DST: variants seen among roughly 807,000 people sequenced by gnomAD.
DST encodes bullous pemphigoid antigen.
A neutral mutation model predicts 875.2 loss-of-function variants in DST; 253 were observed. The ratio of observed to expected loss-of-function variants is 0.29; its 90% confidence interval spans 0.26 to 0.32. The LOEUF (loss-of-function observed/expected upper bound fraction) is 0.32. Ranked by LOEUF, DST falls within the 10% of genes least tolerant of loss-of-function variation. DST has a pLI of 1.00. For synonymous variants in DST, 3,124 were observed against 3,197.1 expected, an observed-to-expected ratio of 0.98 and a Z score of 0.77; for missense variants, 8,287 against 9,111.6, an observed-to-expected ratio of 0.91 and a Z score of 3.68.
intron 4 of DST, among the ~76,000 whole-genome samples, chr6:56,740,733 A>G (rs1200403445): frequency 1.3e-5 from 2 of 152,202 alleles, no homozygotes; most frequent in East Asian, 3.9e-4. Flanking sequence ...ATTGCAAACA[A>G]TGGAAGTTCT....
intron 59 of DST, among the ~76,000 whole-genome samples, chr6:56,556,656 C>A (rs924895779): frequency 6.6e-6 from 1 of 152,172 alleles, no homozygotes; most frequent in Non-Finnish European, 1.5e-5. Flanking sequence ...AAAGCCAGTA[C>A]TCAGACATTA....
At chr6:56,528,814 G>A (rs372974037) in intron 67 of DST, 27 bp downstream of exon 67, 1 of 1,396,638 alleles carries the variant, frequency 7.2e-7, no homozygotes, top group African/African-American at 1.4e-5. Context: ...CTGACCACAT[G>A]ATGATTTGAT....
At chr6:56,761,016 A>C (rs2099615938) in intron 4 of DST, among the ~76,000 whole-genome samples, 1 of 152,244 alleles carries the variant, frequency 6.6e-6, no homozygotes, top group Admixed American at 6.5e-5. Flanking sequence ...ACTGTGTTAG[A>C]GTTCTGAGAC....
intron 4 of DST, among the ~76,000 whole-genome samples, chr6:56,842,817 A>G (rs1562130623): frequency 6.6e-6 from 1 of 151,908 alleles, no homozygotes; most frequent in East Asian, 1.9e-4. Context: ...CTTGGAAACA[A>G]CCCCCTTCCC....
At position 56,594,189 on chromosome 6, in the gene DST, T is replaced by G; in HGVS notation, c.12200A>C (p.Gln4067Pro). 1 of 1,514,584 alleles carries G rather than the reference T, an allele frequency of 6.6e-7. No homozygotes were observed. The highest frequency in any genetic ancestry group is 8.8e-7 in the Non-Finnish European group (1 of 1,138,240). 93.8% of individuals were successfully genotyped at this position (1,514,584 alleles called of 1,614,324 possible). The change falls in exon 48 of 104, where the codon CAA becomes CCA. Residue 4067 changes from glutamine (Q) to proline (P), a missense_variant. Physicochemically the swap from Gln to Pro is moderately conservative, Grantham distance 76. This residue lies in a region of DST where 1,513 missense variants were observed against 1,677.8 expected (regional missense o/e 0.90). Transcript: ENST00000680361. ...GTGCTGAGAGATGATCTTCTCGTGT[T>G]GGGCCTATGTGAAAACAAATTGATC... is the stretch of plus-strand genomic sequence containing the variant. ...LNQQYQKVKA[Q>P]HEKIISQHQA... is the part of the protein sequence containing the mutation.
chr6:56,615,874 G>A (rs2098609600), intron 36 of DST: 4 of 1,614,136 alleles, frequency 2.5e-6, no homozygotes, highest in Non-Finnish European at 2.5e-6. Context: ...TTTTGTTAGT[G>A]ATGGGATGGC....
chr6:56,760,234 T>C (rs2099614105), intron 4 of DST, among the ~76,000 whole-genome samples: 2 of 152,300 alleles, frequency 1.3e-5, no homozygotes, highest in African/African-American at 2.4e-5. Context: ...TGCTAAGAAA[T>C]GCCACATGAT....
rs151271595 is a variant in DST, at chr6:56,640,283, G to C, written c.2350C>G (p.Pro784Ala). Reference sequence around the variant, plus strand: ...AACTTCAAAGTTTGCAATGAATTTGGCTCTACTCCTGAACTGAAATTTGGA... The same window carrying C: ...AACTTCAAAGTTTGCAATGAATTTGCCTCTACTCCTGAACTGAAATTTGGA... ...LVPNFSSGVE[P>A]NSLQTLKLMQ... Residue 784 changes from proline to alanine, a missense_variant, in exon 18 of 104, where the codon CCA (proline) becomes GCA (alanine). Around this residue, in one of 10 missense-constraint regions of DST, gnomAD observed 1,160 missense variants for 1,424.3 expected, o/e 0.81. Coordinates refer to ENST00000680361, the MANE Select transcript of DST (RefSeq NM_001374736.1). 2.7e-3 allele frequency: 4,298 copies of C among 1,614,108 alleles called. 21 individuals carry two copies. The highest frequency in any genetic ancestry group is 0.01 in the South Asian group (924 of 91,080).
At chr6:56,622,569 CAAAAAAAAAAA>C (rs61514901) in intron 36 of DST, among the ~76,000 whole-genome samples, 33 of 65,744 alleles carry the variant, frequency 5.0e-4, no homozygotes, top group African/African-American at 1.7e-3. Flanking sequence ...AGATCCGTCT[CAAAAAAAAAAA>C]AAAAAAAAAA....
intron 48 of DST, 145 bp downstream of exon 48, chr6:56,593,518 A>C: frequency 2.3e-6 from 1 of 425,742 alleles, no homozygotes; most frequent in East Asian, 4.7e-5. Flanking sequence ...CTCCTTCTCA[A>C]AAAAAAAAAA....
chr6:56,632,102 T>C (rs577920752), intron 28 of DST, 62 bp from the exon 29 acceptor site: 17 of 1,351,796 alleles, frequency 1.3e-5, no homozygotes, highest in Non-Finnish European at 1.8e-5. Flanking sequence ...CTTCTGTTTA[T>C]GTTTTAATAT....
At chr6:56,520,780 T>A (rs1424732269) in intron 69 of DST, among the ~76,000 whole-genome samples, 1 of 152,046 alleles carries the variant, frequency 6.6e-6, no homozygotes. Context: ...GGGTAACGTC[T>A]CACCTATCAG....
At chr6:56,694,248 T>C (rs2099250041) in intron 9 of DST, among the ~76,000 whole-genome samples, 1 of 150,252 alleles carries the variant, frequency 6.7e-6, no homozygotes, top group South Asian at 2.1e-4. Flanking sequence ...TAGCATGAAA[T>C]GGATTTACAC....
intron 10 of DST, among the ~76,000 whole-genome samples, chr6:56,662,526 C>A (rs987529732): frequency 3.9e-5 from 6 of 152,184 alleles, no homozygotes; most frequent in Non-Finnish European, 7.3e-5. Flanking sequence ...GTTTGCCAGT[C>A]TCCCATGAAG....
chr6:56,748,531 A>G (rs1157596931), intron 4 of DST, among the ~76,000 whole-genome samples: 1 of 152,214 alleles, frequency 6.6e-6, no homozygotes, highest in South Asian at 2.1e-4. Flanking sequence ...ATTATGTAGT[A>G]GGCTCTCAAG....
chr6:56,622,453 G>A (rs1236114585), intron 36 of DST, among the ~76,000 whole-genome samples: 2 of 150,968 alleles, frequency 1.3e-5, no homozygotes, highest in African/African-American at 2.4e-5. Flanking sequence ...GCAGGCGCCT[G>A]TAATCCCAGC....
chr6:56,779,146 A>G, intron 4 of DST, among the ~76,000 whole-genome samples: 1 of 152,072 alleles, frequency 6.6e-6, no homozygotes, highest in East Asian at 1.9e-4. Context: ...GATGATGAGC[A>G]TTTTTTCATG....
At chr6:56,486,693 C>G (rs2095580907) in intron 87 of DST, among the ~76,000 whole-genome samples, 1 of 152,056 alleles carries the variant, frequency 6.6e-6, no homozygotes, top group African/African-American at 2.4e-5. Flanking sequence ...ATTAAGAAGC[C>G]TGTGTTTCAA....
At chr6:56,610,977 G>C (rs2098539686) in intron 38 of DST, among the ~76,000 whole-genome samples, 1 of 152,054 alleles carries the variant, frequency 6.6e-6, no homozygotes, top group Admixed American at 6.5e-5. Flanking sequence ...AATTTGCTAA[G>C]GTATACTATA....
Sources: allele counts gnomAD v4.1 joint callset (sites outside exome capture counted in the v4.1 genomes callset), GRCh38; gene constraint gnomAD v4.1.1; regional missense constraint gnomAD v4.1.1; transcripts MANE v1.5; gene names NCBI Gene and HGNC (gene_info 2026-07-23, HGNC 2026-07-21).